Variants in LIPI observed in about 807,000 individuals in gnomAD.
LIPI encodes lipase member I.
A neutral mutation model predicts 50.6 loss-of-function variants in LIPI; 59 were observed. That is an observed-to-expected ratio of 1.16 (90% CI 0.94 to 1.45). The LOEUF (loss-of-function observed/expected upper bound fraction) is 1.45, where lower values mean the gene tolerates loss of function less well. Ranked by LOEUF, LIPI falls within the 40% of genes most tolerant of loss-of-function variation. LIPI has a pLI of 0.00. For missense variants in LIPI, 586 were observed against 536.3 expected (o/e 1.09, Z -0.92); for synonymous variants, 203 against 178.2 (o/e 1.14, Z -1.11).
At chr21:14,149,803 G>C (rs1298504368) in intron 8 of LIPI, among the ~76,000 whole-genome samples, 4 of 152,166 alleles carry the variant, frequency 2.6e-5, no homozygotes, top group African/African-American at 9.7e-5. Context: ...GCTGATGCAA[G>C]AGGTGAGCTC....
intron 1 of LIPI, among the ~76,000 whole-genome samples, chr21:14,192,301 C>T (rs2019704216): frequency 6.6e-6 from 1 of 152,016 alleles, no homozygotes; most frequent in South Asian, 2.1e-4. Context: ...CTCATTTCTA[C>T]TAAAAATACA....
chr21:14,148,042 G>T (rs1468652177), intron 8 of LIPI, among the ~76,000 whole-genome samples: 1 of 151,694 alleles, frequency 6.6e-6, no homozygotes, highest in Non-Finnish European at 1.5e-5. Context: ...ATCCTATATT[G>T]GCATATTAAT....
At position 14,164,085 on chromosome 21, in the gene LIPI, G is replaced by A. The variant is rs1484885048; in HGVS notation, c.902-562C>T. ...ATAAAATATTTATTATATATAATAT[G>A]TTGATATATTGATAAAAATTACTTA... On this transcript the variant is annotated intron_variant, in intron 6 of 9. Transcript: ENST00000681601. Among the ~76,000 whole-genome samples, 3 of 150,508 alleles carry A rather than the reference G, an allele frequency of 2.0e-5. No homozygotes were observed. In the East Asian group the frequency reaches 5.8e-4, roughly 29 times the overall value.
chr21:14,153,648 G>A (rs1262883214), intron 7 of LIPI, among the ~76,000 whole-genome samples: 1 of 152,092 alleles, frequency 6.6e-6, no homozygotes, highest in Non-Finnish European at 1.5e-5. Flanking sequence ...TGAAGCCCTG[G>A]ACCCCTCTGG....
At chr21:14,149,113 TAA>T (rs1355715315) in intron 8 of LIPI, among the ~76,000 whole-genome samples, 1 of 152,116 alleles carries the variant, frequency 6.6e-6, no homozygotes, top group Non-Finnish European at 1.5e-5. Context: ...TGGTAATTTA[TAA>T]AGAAAAGAGG....
At chr21:14,133,145 TCTAA>T (rs2017359474) in intron 9 of LIPI, among the ~76,000 whole-genome samples, 1 of 152,304 alleles carries the variant, frequency 6.6e-6, no homozygotes, top group South Asian at 2.1e-4. Context: ...TTCTATTCTT[TCTAA>T]CTCATTCTAA....
rs1600858736 is a variant in LIPI at position 14,144,651 on chromosome 21, T to C, written c.1267A>G (p.Met423Val). The C allele has an allele frequency of 6.4e-7, 1 of 1,573,764 alleles. No homozygotes were observed. The highest frequency in any genetic ancestry group is 8.7e-7 in the Non-Finnish European group (1 of 1,145,202). ...TCTGGGTATGTAAGTGATTTTAACATGAGACTCTGGATCTTGTATGTGCAT... is the reference window on the plus strand; with the variant it reads ...TCTGGGTATGTAAGTGATTTTAACACGAGACTCTGGATCTTGTATGTGCAT... ...STCTYKIQSL[M>V]LKSLTYPERP... Residue 423 changes from methionine (M) to valine (V), a missense_variant, in exon 9 of 10, where the codon ATG (methionine) becomes GTG (valine). Coordinates refer to ENST00000681601, the MANE Select transcript of LIPI (RefSeq NM_001302998.2).
At chr21:14,126,117 G>A (rs1168758087) in intron 9 of LIPI, among the ~76,000 whole-genome samples, 1 of 152,126 alleles carries the variant, frequency 6.6e-6, no homozygotes, top group African/African-American at 2.4e-5. Flanking sequence ...AAACTGTACA[G>A]TCACTTTGGA....
chr21:14,127,537 C>T (rs2017113492), intron 9 of LIPI, among the ~76,000 whole-genome samples: 2 of 152,154 alleles, frequency 1.3e-5, no homozygotes, highest in Non-Finnish European at 2.9e-5. Flanking sequence ...AAATTGCATA[C>T]TTGTTCTGTT....
intron 9 of LIPI, among the ~76,000 whole-genome samples, chr21:14,138,297 C>CAAAT (rs1158984012): frequency 1.3e-5 from 2 of 152,046 alleles, no homozygotes; most frequent in Non-Finnish European, 2.9e-5. Flanking sequence ...GATTTCAGGA[C>CAAAT]AAATAATATA....
intron 1 of LIPI, among the ~76,000 whole-genome samples, chr21:14,197,296 G>A (rs11911585): frequency 0.035 from 5,278 of 152,030 alleles, 106 homozygotes; most frequent in African/African-American, 0.04. Flanking sequence ...AGTATAAAAA[G>A]TGCTATCATA....
intron 1 of LIPI, among the ~76,000 whole-genome samples, chr21:14,191,943 G>T (rs2019691509): frequency 1.3e-5 from 2 of 152,174 alleles, no homozygotes; most frequent in Admixed American, 6.5e-5. Flanking sequence ...CACCCCAGCT[G>T]ACTGACAGTC....
At chr21:14,180,174 C>T (rs986145006) in intron 4 of LIPI, among the ~76,000 whole-genome samples, 2 of 152,118 alleles carry the variant, frequency 1.3e-5, no homozygotes, top group Admixed American at 6.6e-5. Flanking sequence ...AAGCTCCGCC[C>T]TGGTAACTTG....
chr21:14,122,644 A>G (rs925309927), intron 9 of LIPI, among the ~76,000 whole-genome samples: 1 of 152,198 alleles, frequency 6.6e-6, no homozygotes, highest in Admixed American at 6.5e-5. Flanking sequence ...CGGACCACAC[A>G]TGAATTCAGC....
intron 4 of LIPI, among the ~76,000 whole-genome samples, chr21:14,176,679 T>TG (rs1050363675): frequency 7.7e-5 from 8 of 104,476 alleles, no homozygotes; most frequent in Non-Finnish European, 1.3e-4. Context: ...TTGAGAATAT[T>TG]GTTTTTTTTT....
intron 7 of LIPI, among the ~76,000 whole-genome samples, chr21:14,161,005 T>A (rs11909808): frequency 0.067 from 10,119 of 151,320 alleles, 443 homozygotes; most frequent in East Asian, 0.22. Flanking sequence ...AAAAATTAGA[T>A]CACTTATATT....
At chr21:14,209,433 A>G in intron 1 of LIPI, among the ~76,000 whole-genome samples, 1 of 152,202 alleles carries the variant, frequency 6.6e-6, no homozygotes, top group South Asian at 2.1e-4. Context: ...CTTGTATGAA[A>G]TAAACTACTG....
intron 9 of LIPI, among the ~76,000 whole-genome samples, chr21:14,110,234 C>G (rs1248824147): frequency 6.6e-6 from 1 of 151,764 alleles, no homozygotes; most frequent in Non-Finnish European, 1.5e-5. Context: ...AGCTTCTTTA[C>G]TTGAAAAATC....
intron 1 of LIPI, among the ~76,000 whole-genome samples, chr21:14,204,152 C>G (rs1392139647): frequency 6.6e-6 from 1 of 151,882 alleles, no homozygotes; most frequent in Middle Eastern, 3.2e-3. Context: ...AATATGTGTA[C>G]TGGTATAAAT....
Sources: gnomAD v4.1 joint callset for allele counts (sites outside exome capture counted in the v4.1 genomes callset) on GRCh38, gnomAD v4.1.1 for gene constraint, MANE v1.5 for transcripts, NCBI Gene and HGNC (gene_info 2026-07-23, HGNC 2026-07-21) for gene names.